The following GNAS variants were observed in gnomAD, a reference collection of about 807,000 sequenced individuals.
GNAS encodes protein ALEX.
GNAS carries 8 observed loss-of-function variants against 54.5 expected under a neutral mutation model. That is an observed-to-expected ratio of 0.15 (90% CI 0.09 to 0.26). The LOEUF (loss-of-function observed/expected upper bound fraction) is 0.26, where lower values mean the gene tolerates loss of function less well. Ranked by LOEUF, GNAS falls within the 10% of genes least tolerant of loss-of-function variation. The pLI is 1.00. For synonymous variants in GNAS, 204 were observed against 191.4 expected, an observed-to-expected ratio of 1.07 and a Z score of -0.54; for missense variants, 170 against 529.8, an observed-to-expected ratio of 0.32 and a Z score of 6.67.
At chr20:58,874,025 C>T (rs2087631885) in intron 1 of GNAS, among the ~76,000 whole-genome samples, 1 of 152,236 alleles carries the variant, frequency 6.6e-6, no homozygotes, top group Non-Finnish European at 1.5e-5. Flanking sequence ...GGGGTCAAAA[C>T]AAGCAACATT....
intron 1 of GNAS, among the ~76,000 whole-genome samples, chr20:58,874,847 C>T (rs370599470): frequency 3.6e-4 from 55 of 152,320 alleles, no homozygotes; most frequent in African/African-American, 1.3e-3. Context: ...AGTCTATATT[C>T]AAATACTATA....
rs201614881 is a variant in GNAS at position 58,909,606 on chromosome 20, G to A, written c.718+27G>A. 138 of 1,613,974 alleles carry A rather than the reference G, an allele frequency of 8.6e-5. No homozygotes were observed. The highest frequency in any genetic ancestry group is 2.0e-4 in the African/African-American group (15 of 74,920). On this transcript the variant is annotated intron_variant, in intron 9 of 12. Transcript: ENST00000371085. The surrounding 1 kb of genome is among the most constrained non-coding windows in gnomAD (Gnocchi z 7.3). Reference sequence around the variant, plus strand: ...TAGGATGCTGTGGGCTTGGCTGTTCGTAAAGAACGCTTTGCTTCTGTGTTG... The same window carrying A: ...TAGGATGCTGTGGGCTTGGCTGTTCATAAAGAACGCTTTGCTTCTGTGTTG...
At chr20:58,895,564 G>C (rs1209348743) in intron 1 of GNAS, 48 bp from the exon 2 acceptor site, 1 of 1,124,682 alleles carries the variant, frequency 8.9e-7, no homozygotes, top group Non-Finnish European at 1.4e-6. Context: ...CCTGCCCAAA[G>C]TGTTAAAATG....
intron 1 of GNAS, among the ~76,000 whole-genome samples, chr20:58,852,189 A>C (rs961242944): frequency 6.6e-6 from 1 of 151,698 alleles, no homozygotes; most frequent in Non-Finnish European, 1.5e-5. Context: ...CTGCGTCACC[A>C]TCCACATAAA....
chr20:58,851,743 T>G (rs1293961152), intron 1 of GNAS, among the ~76,000 whole-genome samples: 1 of 152,174 alleles, frequency 6.6e-6, no homozygotes, highest in Non-Finnish European at 1.5e-5. Flanking sequence ...GCGGGCTCAG[T>G]GCCGCCTCAG....
rs1340837437 is a variant in GNAS, at chr20:58,856,358, G to C, written c.43+15472G>C. Reference sequence around the variant, plus strand: ...AACCACTTGGGGGCTGGTTCCAAGGGGGTGGGCGTGGCTGTGTTTAAAAAA... The same window carrying C: ...AACCACTTGGGGGCTGGTTCCAAGGCGGTGGGCGTGGCTGTGTTTAAAAAA... On this transcript the variant is annotated intron_variant, in intron 1 of 12. Coordinates refer to the GNAS transcript ENST00000306090. This position sits in a 1 kb window ranked among gnomAD's most constrained non-coding sequence, Gnocchi z 4.2. 2.0e-5 allele frequency: 3 copies of C among 152,650 alleles called. No individual in the cohort carries two copies. Among genetic ancestry groups the C allele is most frequent in the African/African-American group, 7.2e-5 (3 of 41,430 alleles). 9.5% of individuals were successfully genotyped at this position (152,650 alleles called of 1,614,324 possible). A position where few individuals can be genotyped will look rare whatever the true frequency, so the allele number is the denominator to read the frequency against.
At chr20:58,869,364 T>C (rs199818121) in intron 1 of GNAS, among the ~76,000 whole-genome samples, 7 of 152,230 alleles carry the variant, frequency 4.6e-5, no homozygotes, top group African/African-American at 1.7e-4. Context: ...GCAGATTGTA[T>C]AGGAAATCAA....
At chr20:58,903,823 C>T (rs1406091032) in intron 5 of GNAS, 32 bp downstream of exon 5, 20 of 1,613,040 alleles carry the variant, frequency 1.2e-5, no homozygotes, top group Non-Finnish European at 1.7e-5. Context: ...GTGGCCTTAG[C>T]CCCGCCCACC....
At chr20:58,879,934 T>C (rs764195389) in intron 1 of GNAS, among the ~76,000 whole-genome samples, 8 of 152,134 alleles carry the variant, frequency 5.3e-5, no homozygotes, top group Non-Finnish European at 8.8e-5. Flanking sequence ...ATTTCGCTTT[T>C]ACAGAAAAAG....
rs1334594512 is a variant in GNAS, at chr20:58,841,864, G to C, written c.43+978G>C. On this transcript the variant is annotated intron_variant, in intron 1 of 12. Transcript: ENST00000306090. This position sits in a 1 kb window ranked among gnomAD's most constrained non-coding sequence, Gnocchi z 5.0. The stretch of plus-strand genomic sequence containing the variant: ...ACCTCTGGAGGCCCTCGAGATCGTC[G>C]CAAGTGGAAAGGTAAAGCGGAACAA... 8.1e-6 allele frequency: 10 copies of C among 1,231,062 alleles called. No individual in the cohort carries two copies. Among genetic ancestry groups the C allele is most frequent in the African/African-American group, 4.7e-5 (3 of 64,440 alleles). The allele number at this position is 1,231,062 out of a possible 1,614,324, so 76.3% of individuals were successfully genotyped here. A position where few individuals can be genotyped will look rare whatever the true frequency, so the allele number is the denominator to read the frequency against.
At chr20:58,849,621 C>T (rs900376798) in intron 1 of GNAS, among the ~76,000 whole-genome samples, 5 of 152,212 alleles carry the variant, frequency 3.3e-5, no homozygotes, top group Non-Finnish European at 7.3e-5. Flanking sequence ...GCCAGCCCCT[C>T]CCACTGACTT....
chr20:58,910,306 C>T lies in GNAS; in HGVS notation c.971-28C>T, dbSNP rs200024794. Reference sequence around the variant, plus strand: ...CCAGCTCTGCTTGAATTTTAAATTACATTAATATGTATTCCCTTTTTATAT... The same window carrying T: ...CCAGCTCTGCTTGAATTTTAAATTATATTAATATGTATTCCCTTTTTATAT... On this transcript the variant is annotated intron_variant, in intron 11 of 12. Transcript: ENST00000371085. This position sits in a 1 kb window ranked among gnomAD's most constrained non-coding sequence, Gnocchi z 5.8. 18 of 1,547,832 alleles carry T rather than the reference C, an allele frequency of 1.2e-5. No homozygotes were observed. The East Asian group carries it at 3.4e-4, about 29-fold the overall frequency.
intron 3 of GNAS, among the ~76,000 whole-genome samples, chr20:58,899,653 A>G (rs1378973552): frequency 7.7e-6 from 1 of 130,546 alleles, no homozygotes; most frequent in Non-Finnish European, 1.7e-5. Flanking sequence ...CACCCATCAC[A>G]CACACACACA....
At chr20:58,855,657 C>A (rs1208664852) in intron 1 of GNAS, 1 of 667,500 alleles carries the variant, frequency 1.5e-6, no homozygotes, top group African/African-American at 1.8e-5. Flanking sequence ...GAGCCAGGAA[C>A]TGCCGGGGAG....
At chr20:58,851,606 C>T (rs988830299) in intron 1 of GNAS, among the ~76,000 whole-genome samples, 4 of 152,222 alleles carry the variant, frequency 2.6e-5, no homozygotes, top group Admixed American at 2.6e-4. Flanking sequence ...CAGACCAGAG[C>T]ATAGCATGTG....
upstream of GNAS, among the ~76,000 whole-genome samples, chr20:58,891,123 G>A (rs2089205535): frequency 2.7e-5 from 4 of 148,390 alleles, no homozygotes; most frequent in East Asian, 2.1e-4. Flanking sequence ...TGCTGCCCGA[G>A]CCCGGGGGGT....
intron 3 of GNAS, among the ~76,000 whole-genome samples, chr20:58,901,857 G>C (rs1171921540): frequency 8.7e-6 from 1 of 115,496 alleles, no homozygotes; most frequent in African/African-American, 3.6e-5. Context: ...CACCCCTGCT[G>C]CTCCACTGAC....
Position 58,910,617 on chromosome 20 carries a change from C to A in GNAS, c.1039-66C>A. On this transcript the variant is annotated intron_variant, in intron 12 of 12. Coordinates refer to ENST00000371085, the MANE Select transcript of GNAS (RefSeq NM_000516.7). This position sits in a 1 kb window ranked among gnomAD's most constrained non-coding sequence, Gnocchi z 5.8. The stretch of plus-strand genomic sequence containing the variant: ...CTGACAGCCGTCCCTGGTAGGTGTC[C>A]CCATCAGGGATAGGGTGGTTCCTGG... The A allele has an allele frequency of 6.3e-7, 1 of 1,579,722 alleles. No individual in the cohort carries two copies. The highest frequency in any genetic ancestry group is 8.7e-7 in the Non-Finnish European group (1 of 1,149,476).
intron 1 of GNAS, chr20:58,854,037 G>T: frequency 1.2e-6 from 2 of 1,611,156 alleles, no homozygotes; most frequent in Non-Finnish European, 1.7e-6. Flanking sequence ...GTTCGCGGCA[G>T]TCGCGGCCTC....
Sources: gnomAD v4.1 joint callset for allele counts (sites outside exome capture counted in the v4.1 genomes callset) on GRCh38, gnomAD v4.1.1 for gene constraint, Gnocchi (gnomAD v3.1) non-coding constraint, MANE v1.5 for transcripts, NCBI Gene and HGNC (gene_info 2026-07-23, HGNC 2026-07-21) for gene names.